Variants in PPFIA2 observed in about 807,000 individuals in gnomAD.
PPFIA2 encodes PPFI scaffold protein A2.
A neutral mutation model predicts 175.5 loss-of-function variants in PPFIA2; 46 were observed. That is an observed-to-expected ratio of 0.26 (90% confidence interval 0.21 to 0.34). The LOEUF (loss-of-function observed/expected upper bound fraction) is 0.34, where lower values mean the gene tolerates loss of function less well. PPFIA2 is among the 10% of genes least tolerant of loss of function. PPFIA2 has a pLI of 1.00. For missense variants in PPFIA2, 1,179 were observed against 1,506.1 expected (o/e 0.78, Z 3.60); for synonymous variants, 568 against 511.4 (o/e 1.11, Z -1.49).
chr12:81,740,032 T>C (rs1366497673), intron 3 of PPFIA2, among the ~76,000 whole-genome samples: 1 of 152,140 alleles, frequency 6.6e-6, no homozygotes, highest in East Asian at 1.9e-4. Flanking sequence ...ATTTTCTTCC[T>C]GTAGCACCTA....
At chr12:81,487,480 C>T (rs2058962024) in intron 4 of PPFIA2, among the ~76,000 whole-genome samples, 1 of 151,332 alleles carries the variant, frequency 6.6e-6, no homozygotes, top group African/African-American at 2.4e-5. Flanking sequence ...CAATGAATTA[C>T]TATTATTATT....
intron 7 of PPFIA2, among the ~76,000 whole-genome samples, chr12:81,436,279 TAAAAAAAAAAAAAAAAAAAAAAAAAAAA>T (rs763809833): frequency 0.053 from 2,370 of 44,764 alleles, 64 homozygotes; most frequent in Non-Finnish European, 0.069. Flanking sequence ...AGACCCTGTC[TAAAAAAAAAAAAAAAAAAAAAAAAAAAA>T]AAAAAAAAAA....
At chr12:81,451,229 C>T (rs2052512313) in intron 5 of PPFIA2, among the ~76,000 whole-genome samples, 1 of 151,992 alleles carries the variant, frequency 6.6e-6, no homozygotes, top group African/African-American at 2.4e-5. Context: ...TACCCTGTTA[C>T]CATCTTTTAC....
At chr12:81,298,994 G>A (rs895914683) in intron 23 of PPFIA2, among the ~76,000 whole-genome samples, 5 of 152,132 alleles carry the variant, frequency 3.3e-5, no homozygotes, top group African/African-American at 9.7e-5. Flanking sequence ...AAGGGCCCTG[G>A]CCTAATGGAT....
chr12:81,600,411 T>A (rs2059667210), intron 4 of PPFIA2, among the ~76,000 whole-genome samples: 1 of 152,084 alleles, frequency 6.6e-6, no homozygotes, highest in African/African-American at 2.4e-5. Context: ...GAGCACTCAA[T>A]GATTATTTTT....
chr12:81,322,383 A>G (rs1353262981), intron 22 of PPFIA2, among the ~76,000 whole-genome samples: 1 of 152,126 alleles, frequency 6.6e-6, no homozygotes, highest in African/African-American at 2.4e-5. Flanking sequence ...GATCTCAGAG[A>G]GTCATGGCAT....
intron 4 of PPFIA2, among the ~76,000 whole-genome samples, chr12:81,624,111 T>C (rs1018122337): frequency 6.6e-6 from 1 of 152,040 alleles, no homozygotes; most frequent in African/African-American, 2.4e-5. Flanking sequence ...AGTGGGTCTT[T>C]ACATCTATAA....
At chr12:81,734,871 A>G (rs958444251) in intron 3 of PPFIA2, among the ~76,000 whole-genome samples, 2 of 151,714 alleles carry the variant, frequency 1.3e-5, no homozygotes, top group East Asian at 1.9e-4. Flanking sequence ...TCTCCTTTCC[A>G]TCTTATAGCT....
Position 81,622,004 on chromosome 12 carries a change from C to A in PPFIA2, c.303+54787G>T, listed in dbSNP as rs191398668. Among the ~76,000 whole-genome samples the A allele has an allele frequency of 6.7e-4, 102 of 152,060 alleles. 1 individual carries two copies. The highest frequency in any genetic ancestry group is 7.7e-4 in the Non-Finnish European group (52 of 67,950). Reference sequence around the variant, plus strand: ...CCCTGTAACATCCCAATATGAAAGACCAGAAAAATAAGGAAGTAGCAAAAA... The same window carrying A: ...CCCTGTAACATCCCAATATGAAAGAACAGAAAAATAAGGAAGTAGCAAAAA... On this transcript the variant is annotated intron_variant, in intron 4 of 32. Transcript: ENST00000549396.
chr12:81,409,551 C>A (rs2043538324), intron 7 of PPFIA2, among the ~76,000 whole-genome samples: 1 of 152,100 alleles, frequency 6.6e-6, no homozygotes, highest in Non-Finnish European at 1.5e-5. Context: ...CATCCCTCTA[C>A]TATGGGATAA....
chr12:81,340,916 A>G (rs2057934615), intron 20 of PPFIA2, among the ~76,000 whole-genome samples, 162 bp downstream of exon 20: 1 of 152,154 alleles, frequency 6.6e-6, no homozygotes, highest in African/African-American at 2.4e-5. Flanking sequence ...TGATATCAAA[A>G]TTGAAATTTG....
chr12:81,500,682 A>G (rs2060500472), intron 4 of PPFIA2, among the ~76,000 whole-genome samples: 1 of 152,208 alleles, frequency 6.6e-6, no homozygotes, highest in Admixed American at 6.5e-5. Flanking sequence ...TTTGGGTATT[A>G]GAGTATGTTA....
At chr12:81,385,530 A>G (rs991993856) in intron 8 of PPFIA2, among the ~76,000 whole-genome samples, 3 of 150,410 alleles carry the variant, frequency 2.0e-5, no homozygotes, top group Admixed American at 6.7e-5. Flanking sequence ...TCAGTTTCTA[A>G]GAAGAAGGAA....
At chr12:81,374,031 C>T (rs935138468) in intron 11 of PPFIA2, among the ~76,000 whole-genome samples, 1 of 151,922 alleles carries the variant, frequency 6.6e-6, no homozygotes, top group African/African-American at 2.4e-5. Context: ...CATTATAATG[C>T]TTGTAAAATT....
intron 3 of PPFIA2, among the ~76,000 whole-genome samples, chr12:81,710,101 C>T (rs1402719770): frequency 3.3e-5 from 5 of 151,924 alleles, no homozygotes; most frequent in Admixed American, 6.6e-5. Context: ...GATCTATTCA[C>T]ATATTAAGAC....
At chr12:81,642,697 C>CATT (rs2065237543) in intron 4 of PPFIA2, among the ~76,000 whole-genome samples, 140 of 6,728 alleles carry the variant, frequency 0.021, 51 homozygotes, top group South Asian at 0.15. Flanking sequence ...TATATACATA[C>CATT]ATGTATATGT....
intron 14 of PPFIA2, among the ~76,000 whole-genome samples, chr12:81,365,708 T>C (rs746438651): frequency 7.2e-5 from 11 of 151,868 alleles, no homozygotes; most frequent in South Asian, 4.2e-4. Flanking sequence ...ATCATATATG[T>C]CTTTAAGAGG....
chr12:81,315,956 T>A (rs938420864), intron 22 of PPFIA2, among the ~76,000 whole-genome samples: 1 of 151,706 alleles, frequency 6.6e-6, no homozygotes, highest in African/African-American at 2.4e-5. Flanking sequence ...TAAAGGAGTT[T>A]AAGAAATCTT....
intron 4 of PPFIA2, among the ~76,000 whole-genome samples, chr12:81,632,064 G>A (rs1170120047): frequency 6.6e-6 from 1 of 151,800 alleles, no homozygotes; most frequent in African/African-American, 2.4e-5. Context: ...ATATACAAAG[G>A]GCAGGTATTT....
Sources: allele counts gnomAD v4.1 joint callset (sites outside exome capture counted in the v4.1 genomes callset), GRCh38; gene constraint gnomAD v4.1.1; transcripts MANE v1.5; gene names NCBI Gene and HGNC (gene_info 2026-07-23, HGNC 2026-07-21).